The following JAK1 variants were observed in gnomAD, a reference collection of about 807,000 sequenced individuals.
JAK1 encodes the protein tyrosine-protein kinase JAK1.
A neutral mutation model predicts 136.6 loss-of-function variants in JAK1; 16 were observed. The observed-to-expected ratio is 0.12, with a 90% CI of 0.08 to 0.18. JAK1 has a LOEUF of 0.18. Among genes scored for constraint, JAK1 ranks in the 10% least tolerant of loss-of-function variants. The pLI is 1.00. For synonymous variants in JAK1, 492 were observed against 519.5 expected (o/e 0.95, Z 0.72); for missense variants, 859 against 1,450.1 (o/e 0.59, Z 6.62).
At chr1:64,965,506 G>T (rs1318763842) in intron 1 of JAK1, among the ~76,000 whole-genome samples, 1 of 152,154 alleles carries the variant, frequency 6.6e-6, no homozygotes, top group African/African-American at 2.4e-5. Context: ...CCACATCCCA[G>T]GGACCCTGGG....
intron 6 of JAK1, among the ~76,000 whole-genome samples, chr1:64,868,323 G>A (rs1656838843): frequency 6.6e-6 from 1 of 152,176 alleles, no homozygotes; most frequent in South Asian, 2.1e-4. Context: ...CCAGGACTGA[G>A]ACAGCACCTG....
At chr1:64,966,838 C>T (rs1004509099), upstream of JAK1, among the ~76,000 whole-genome samples, 2 of 151,896 alleles carry the variant, frequency 1.3e-5, no homozygotes, top group Non-Finnish European at 2.9e-5. Context: ...AGGATTCGCC[C>T]GTAGATTGAC....
In JAK1 at chr1:64,838,479, C is replaced by T. The variant is rs367582687; in HGVS notation, c.2953G>A (p.Val985Ile). 150 of 1,613,860 alleles carry T rather than the reference C, an allele frequency of 9.3e-5. No homozygotes were observed. Among genetic ancestry groups the T allele is most frequent in the African/African-American group, 5.6e-4 (42 of 75,020 alleles). The change falls in exon 21 of 25, where the codon GTT becomes ATT. Residue 985 changes from valine to isoleucine, a missense_variant. Val to Ile is a conservative substitution (Grantham distance 29). Transcript: ENST00000342505. ...INLKQQLKYA[V>I]QICKGMDYLG... Reference sequence around the variant, plus strand: ...TTATTTTTTACCTTACAAATCTGAACGGCATATTTTAGCTGCTGTTTGAGG... The same window carrying T: ...TTATTTTTTACCTTACAAATCTGAATGGCATATTTTAGCTGCTGTTTGAGG...
At chr1:64,995,183 A>T (rs1336118614) in intron 2 of JAK1, 1 of 152,150 alleles carries the variant, frequency 6.6e-6, no homozygotes, top group African/African-American at 2.4e-5. Context: ...ATTACACTTA[A>T]AGTTAAAGCC....
chr1:65,039,731 T>C (rs531949976), intron 2 of JAK1, among the ~76,000 whole-genome samples: 1 of 152,276 alleles, frequency 6.6e-6, no homozygotes, highest in Admixed American at 6.5e-5. Context: ...AAAGGTATTT[T>C]TGGATGCTGA....
rs188755830 is a variant in JAK1 at position 64,963,382 on chromosome 1, T to A, written c.-78+2951A>T. Among the ~76,000 whole-genome samples, 701 of 152,264 alleles carry A rather than the reference T, an allele frequency of 4.6e-3. 21 individuals are homozygous for A. Among genetic ancestry groups the A allele is most frequent in the Non-Finnish European group, 9.4e-4 (64 of 68,036 alleles). ...CTATAGTGAATTCTCCTTATTGTTA[T>A]GATGGGAAAAATAACCTTTGCTTAA... On this transcript the variant is annotated intron_variant, in intron 1 of 24. Coordinates refer to ENST00000342505, the MANE Select transcript of JAK1 (RefSeq NM_002227.4).
At chr1:64,838,388 G>A in intron 21 of JAK1, 77 bp downstream of exon 21, 5 of 1,445,316 alleles carry the variant, frequency 3.5e-6, no homozygotes, top group Non-Finnish European at 2.9e-6. Context: ...TACCCACTTA[G>A]AGTCAAATTA....
chr1:65,053,827 C>T (rs1194226316), intron 1 of JAK1, among the ~76,000 whole-genome samples: 2 of 152,102 alleles, frequency 1.3e-5, no homozygotes, highest in Non-Finnish European at 2.9e-5. Flanking sequence ...TCCCCTGGGC[C>T]CCCCAAAACA....
intron 22 of JAK1, among the ~76,000 whole-genome samples, chr1:64,836,792 A>C (rs1355505387): frequency 6.6e-6 from 1 of 152,022 alleles, no homozygotes; most frequent in Non-Finnish European, 1.5e-5. Context: ...GAAGCAGCCA[A>C]ATCAGACTCC....
chr1:65,063,804 CAAAA>C (rs370192253), intron 1 of JAK1, among the ~76,000 whole-genome samples: 2 of 81,356 alleles, frequency 2.5e-5, no homozygotes. Flanking sequence ...GACTCTATCT[CAAAA>C]AAAAAAAAAA....
chr1:64,914,755 G>A (rs553994425), intron 1 of JAK1, among the ~76,000 whole-genome samples: 111 of 152,124 alleles, frequency 7.3e-4, no homozygotes, highest in Admixed American at 1.4e-3. Context: ...GTAGAGATGG[G>A]GTTTCACCAT....
chr1:64,859,142 G>A (rs544716831), intron 9 of JAK1, among the ~76,000 whole-genome samples: 77 of 152,344 alleles, frequency 5.1e-4, no homozygotes, highest in Non-Finnish European at 8.4e-4. Flanking sequence ...CAAGGCAGCC[G>A]GAAGAGGGAA....
At chr1:64,931,878 G>C (rs11208544) in intron 1 of JAK1, among the ~76,000 whole-genome samples, 106,322 of 151,904 alleles carry the variant, frequency 0.7, 40,534 homozygotes, top group Middle Eastern at 0.92. Flanking sequence ...TCCTATTAAT[G>C]GAAGTGTTGT....
chr1:64,921,964 C>T (rs1257544495), intron 1 of JAK1, among the ~76,000 whole-genome samples: 3 of 151,818 alleles, frequency 2.0e-5, no homozygotes, highest in Non-Finnish European at 4.4e-5. Flanking sequence ...TAACTGGCTG[C>T]AAATCACAAA....
chr1:64,862,160 T>C (rs778775565), intron 8 of JAK1, among the ~76,000 whole-genome samples: 5 of 152,180 alleles, frequency 3.3e-5, no homozygotes, highest in East Asian at 1.9e-4. Context: ...ACTGGCAGCA[T>C]GGAGCAGTGG....
intron 20 of JAK1, 34 bp downstream of exon 20, chr1:64,839,569 T>A (rs1156667175): frequency 6.3e-7 from 1 of 1,596,832 alleles, no homozygotes; most frequent in East Asian, 2.2e-5. Context: ...AGTCACCAAA[T>A]CTTTAAACCG....
At chr1:64,909,001 TGAAC>T (rs961360721) in intron 1 of JAK1, among the ~76,000 whole-genome samples, 1 of 152,200 alleles carries the variant, frequency 6.6e-6, no homozygotes, top group Non-Finnish European at 1.5e-5. Flanking sequence ...AATGAATGAA[TGAAC>T]GAACGAACGA....
At chr1:64,868,710 A>G (rs1055127424) in intron 6 of JAK1, among the ~76,000 whole-genome samples, 5 of 152,222 alleles carry the variant, frequency 3.3e-5, no homozygotes, top group African/African-American at 1.2e-4. Flanking sequence ...GACTGTCTTC[A>G]TTTATGACCA....
At chr1:64,904,011 C>CA (rs1645153157) in intron 1 of JAK1, among the ~76,000 whole-genome samples, 1 of 152,178 alleles carries the variant, frequency 6.6e-6, no homozygotes, top group South Asian at 2.1e-4. Flanking sequence ...ATAGCTAGTT[C>CA]AGTGCTCTGA....
Sources: gnomAD v4.1 joint callset for allele counts (sites outside exome capture counted in the v4.1 genomes callset) on GRCh38, gnomAD v4.1.1 for gene constraint, MANE v1.5 for transcripts, NCBI Gene and HGNC (gene_info 2026-07-23, HGNC 2026-07-21) for gene names.